Variants in RAB10 observed in about 807,000 individuals in gnomAD.
RAB10 encodes the protein RAB10, member RAS oncogene family.
Under a neutral mutation model 25.7 loss-of-function variants are expected in RAB10, and 5 were observed. The ratio of observed to expected loss-of-function variants is 0.19; its 90% CI spans 0.10 to 0.41. The LOEUF is 0.41. RAB10 is among the 10% of genes least tolerant of loss of function. The pLI, the probability that RAB10 is intolerant of heterozygous loss-of-function variation, is 1.00. For missense variants in RAB10, 103 were observed against 245.8 expected, an observed-to-expected ratio of 0.42 and a Z score of 3.89; for synonymous variants, 89 against 86.4, an observed-to-expected ratio of 1.03 and a Z score of -0.16.
intron 1 of RAB10, among the ~76,000 whole-genome samples, chr2:26,037,403 C>T (rs1574521503): frequency 2.6e-5 from 4 of 152,150 alleles, no homozygotes; most frequent in Non-Finnish European, 5.9e-5. Flanking sequence ...CTTTGGGAGG[C>T]CGAGGCAGGC....
intron 1 of RAB10, among the ~76,000 whole-genome samples, chr2:26,049,628 C>G (rs766012113): frequency 2.6e-5 from 4 of 151,934 alleles, no homozygotes; most frequent in Admixed American, 1.3e-4. Context: ...AGGCTGGTCT[C>G]GAAATTCTGA....
intron 1 of RAB10, among the ~76,000 whole-genome samples, chr2:26,063,115 CAAAA>C (rs5829994): frequency 7.1e-6 from 1 of 141,560 alleles, no homozygotes; most frequent in Non-Finnish European, 1.5e-5. Flanking sequence ...AACTCCATCT[CAAAA>C]AAAAAAAAAA....
chr2:26,081,767 T>C lies in RAB10; in HGVS notation c.128-16895T>C, dbSNP rs559961172. 2.6e-5 allele frequency among the ~76,000 whole-genome samples: 4 copies of C among 152,294 alleles called. No individual in the cohort carries two copies. The South Asian group carries it at 8.3e-4, about 32-fold the overall frequency. On this transcript the variant is annotated intron_variant, in intron 1 of 5. Coordinates refer to ENST00000264710, the MANE Select transcript of RAB10 (RefSeq NM_016131.5). ...TTAAATTTACTTTCAAAAAAGGAATTTAAAAAAGGAAACAATGTAAGCCGC... is the reference window on the plus strand; with the variant it reads ...TTAAATTTACTTTCAAAAAAGGAATCTAAAAAAGGAAACAATGTAAGCCGC...
At chr2:26,069,673 C>G (rs1482771972) in intron 1 of RAB10, among the ~76,000 whole-genome samples, 1 of 150,972 alleles carries the variant, frequency 6.6e-6, no homozygotes, top group Non-Finnish European at 1.5e-5. Flanking sequence ...CCCCCTACCC[C>G]CCAAAAAAAA....
chr2:26,103,215 A>G lies in RAB10; in HGVS notation c.188+4493A>G, dbSNP rs183263679. Among the ~76,000 whole-genome samples the G allele has an allele frequency of 1.5e-3, 226 of 152,334 alleles. 1 individual carries two copies. The highest frequency in any genetic ancestry group is 5.0e-3 in the African/African-American group (206 of 41,582). On this transcript the variant is annotated intron_variant, in intron 2 of 5. Transcript: ENST00000264710. The stretch of plus-strand genomic sequence containing the variant: ...TATATTCTTGCATAATGCCCAACCT[A>G]TAGTAGACATTCAGTTAATATTCGG...
intron 1 of RAB10, among the ~76,000 whole-genome samples, chr2:26,046,922 T>G (rs1257860128): frequency 6.6e-6 from 1 of 152,152 alleles, no homozygotes; most frequent in African/African-American, 2.4e-5. Context: ...TTAAGATAAT[T>G]GTAATTTCTC....
chr2:26,045,423 T>C (rs1018738209), intron 1 of RAB10, among the ~76,000 whole-genome samples: 1 of 152,080 alleles, frequency 6.6e-6, no homozygotes, highest in Non-Finnish European at 1.5e-5. Flanking sequence ...GTATTTTTAG[T>C]AGAGGCGGGG....
chr2:26,045,199 G>T (rs1431028288), intron 1 of RAB10, among the ~76,000 whole-genome samples: 2 of 151,782 alleles, frequency 1.3e-5, no homozygotes, highest in Admixed American at 6.6e-5. Flanking sequence ...TTTGCAAAAG[G>T]GAGAGGCTAA....
At chr2:26,120,894 A>C (rs1208497816) in intron 3 of RAB10, among the ~76,000 whole-genome samples, 2 of 150,502 alleles carry the variant, frequency 1.3e-5, no homozygotes, top group African/African-American at 4.9e-5. Context: ...CCAGCCAGCG[A>C]GTTTCTTTAT....
chr2:26,036,564 C>T (rs1665768949), intron 1 of RAB10, among the ~76,000 whole-genome samples: 1 of 151,778 alleles, frequency 6.6e-6, no homozygotes, highest in Admixed American at 6.6e-5. Flanking sequence ...GAGGCTGAGG[C>T]AGGAGAATCA....
intron 2 of RAB10, among the ~76,000 whole-genome samples, chr2:26,109,237 T>C (rs1667525410): frequency 6.6e-6 from 1 of 152,074 alleles, no homozygotes; most frequent in Admixed American, 6.6e-5. Flanking sequence ...AAAAAGATAC[T>C]AAAACATGTT....
intron 1 of RAB10, among the ~76,000 whole-genome samples, chr2:26,093,741 A>G (rs1033765708): frequency 3.9e-5 from 6 of 152,216 alleles, no homozygotes; most frequent in Non-Finnish European, 7.3e-5. Flanking sequence ...CTTTGATACT[A>G]AGAGGCATTT....
chr2:26,122,625 C>CAAAA (rs775681640), intron 3 of RAB10, among the ~76,000 whole-genome samples: 1 of 88,612 alleles, frequency 1.1e-5, no homozygotes, highest in African/African-American at 4.8e-5. Flanking sequence ...GACTCTGTCT[C>CAAAA]AAAAAAAAAA....
chr2:26,105,969 G>A (rs1034587806), intron 2 of RAB10, among the ~76,000 whole-genome samples: 16 of 152,282 alleles, frequency 1.1e-4, no homozygotes, highest in Middle Eastern at 3.4e-3. Flanking sequence ...GTATAAGTAC[G>A]CTCTATGATG....
At chr2:26,094,700 A>G (rs1404565002) in intron 1 of RAB10, among the ~76,000 whole-genome samples, 6 of 152,172 alleles carry the variant, frequency 3.9e-5, no homozygotes, top group Non-Finnish European at 7.3e-5. Context: ...CTGGGATTAC[A>G]GGCACGTGCC....
intron 3 of RAB10, among the ~76,000 whole-genome samples, chr2:26,122,456 G>A (rs1574562350): frequency 1.3e-5 from 2 of 151,984 alleles, no homozygotes; most frequent in African/African-American, 2.4e-5. Context: ...TTGAAACCCC[G>A]TCTCTACTGA....
At chr2:26,061,233 G>T (rs1320416532) in intron 1 of RAB10, among the ~76,000 whole-genome samples, 6 of 150,886 alleles carry the variant, frequency 4.0e-5, no homozygotes, top group African/African-American at 1.5e-4. Flanking sequence ...TCCCACCTCA[G>T]TGCCCCCAAG....
chr2:26,134,005 G>C (rs951675878), intron 5 of RAB10, among the ~76,000 whole-genome samples: 2 of 151,980 alleles, frequency 1.3e-5, no homozygotes, highest in African/African-American at 4.8e-5. Flanking sequence ...TTTAGTGTTG[G>C]GAAAAAGCAG....
At chr2:26,106,541 C>G (rs1279128640) in intron 2 of RAB10, among the ~76,000 whole-genome samples, 1 of 152,168 alleles carries the variant, frequency 6.6e-6, no homozygotes, top group East Asian at 1.9e-4. Flanking sequence ...ATAGGACATT[C>G]ATAGAAATGT....
Sources: allele counts gnomAD v4.1 joint callset (sites outside exome capture counted in the v4.1 genomes callset), GRCh38; gene constraint gnomAD v4.1.1; transcripts MANE v1.5; gene names NCBI Gene and HGNC (gene_info 2026-07-23, HGNC 2026-07-21).